Variants in NBPF12 observed in about 807,000 individuals in gnomAD.
NBPF12 encodes NBPF family member NBPF12.
Under a neutral mutation model 146.4 loss-of-function variants are expected in NBPF12, and 115 were observed. The observed-to-expected ratio is 0.79, with a 90% CI of 0.68 to 0.92. The LOEUF is 0.92. Among genes scored for constraint, NBPF12 ranks in the 40% least tolerant of loss-of-function variants. The pLI, the probability that NBPF12 is intolerant of heterozygous loss-of-function variation, is 0.00. For synonymous variants in NBPF12, 385 were observed against 508.9 expected, an observed-to-expected ratio of 0.76 and a Z score of 3.28; for missense variants, 1,205 against 1,326.8, an observed-to-expected ratio of 0.91 and a Z score of 1.43.
At chr1:146,980,269 A>G (rs1468381374) in intron 19 of NBPF12, among the ~76,000 whole-genome samples, 5 of 152,036 alleles carry the variant, frequency 3.3e-5, no homozygotes, top group African/African-American at 1.2e-4. Flanking sequence ...TCTTTATCCA[A>G]TTTGCCATTC....
At chr1:146,994,776 G>T (rs1284539) in exon 34 of NBPF12, 4 of 894,472 alleles carry the variant, frequency 4.5e-6, no homozygotes, top group Admixed American at 2.9e-5. Flanking sequence ...GGTGTGACAC[G>T]TTCACATAAC....
rs1486641079 is a variant in NBPF12 at position 146,975,100 on chromosome 1, A to C, written c.1904+259A>C. Among the ~76,000 whole-genome samples the C allele has an allele frequency of 1.2e-4, 15 of 127,660 alleles. No homozygotes were observed. The East Asian group carries it at 3.3e-3, about 28-fold the overall frequency. The allele number at this position is 127,660 out of a possible 152,430, so 83.7% of individuals were successfully genotyped here. A position where few individuals can be genotyped will look rare whatever the true frequency, so the allele number is the denominator to read the frequency against. ...TGTGAAATTTACATAACACAAAATT[A>C]ACCAAAGGAGTGTGAACCACACAGC... On this transcript the variant is annotated intron_variant, in intron 15 of 33. Transcript: ENST00000617844.
rs1420723350 is a variant in NBPF12, at chr1:146,978,286, A to T, written c.2398+615A>T. ...TTTTTTTTTTTTTTTTTTTTTTGCG[A>T]TGGAGTCCTGCTCTGTCACCTAGGC... is the stretch of plus-strand genomic sequence containing the variant. On this transcript the variant is annotated intron_variant, in intron 18 of 33. Transcript: ENST00000617844. Among the ~76,000 whole-genome samples the T allele has an allele frequency of 2.7e-3, 235 of 86,786 alleles. 1 individual carries two copies. The East Asian group carries it at 0.076, about 28-fold the overall frequency. The allele number at this position is 86,786 out of a possible 152,430, so 56.9% of individuals were successfully genotyped here.
chr1:146,962,453 T>C (rs1457617888), intron 5 of NBPF12, among the ~76,000 whole-genome samples, 190 bp downstream of exon 8: 3 of 151,990 alleles, frequency 2.0e-5, no homozygotes, highest in Admixed American at 6.5e-5. Flanking sequence ...AGTTGTTTCT[T>C]AGAGCCTTGT....
chr1:146,978,304 A>C, intron 18 of NBPF12, among the ~76,000 whole-genome samples: 1 of 124,768 alleles, frequency 8.0e-6, no homozygotes, highest in African/African-American at 3.1e-5. Flanking sequence ...CTGCTCTGTC[A>C]CCTAGGCTGG....
intron 25 of NBPF12, among the ~76,000 whole-genome samples, chr1:146,987,733 T>G (rs879176404): frequency 2.7e-5 from 4 of 146,086 alleles, no homozygotes; most frequent in African/African-American, 5.1e-5. Flanking sequence ...GTGTGTGTGT[T>G]TGTGTGTGTG....
At chr1:146,978,069 G>T (rs1230059301) in intron 18 of NBPF12, among the ~76,000 whole-genome samples, 1 of 151,588 alleles carries the variant, frequency 6.6e-6, no homozygotes, top group Non-Finnish European at 1.5e-5. Flanking sequence ...TTGTTCCCCA[G>T]GCTTCACTGC....
In NBPF12 at chr1:146,976,926, C is replaced by G; in HGVS notation, c.2120-3C>G. On this transcript the variant is annotated splice_region_variant and splice_polypyrimidine_tract_variant and intron_variant, in intron 16 of 33. Coordinates refer to ENST00000617844, the Ensembl canonical transcript of NBPF12. ...ATCTGAATGAACACTTCTGTATTTACAGAAAATGATAACGATGACGATGAA... is the reference window on the plus strand; with the variant it reads ...ATCTGAATGAACACTTCTGTATTTAGAGAAAATGATAACGATGACGATGAA... The G allele has an allele frequency of 1.5e-6, 1 of 688,346 alleles. No individual in the cohort carries two copies. Among genetic ancestry groups the G allele is most frequent in the South Asian group, 1.6e-5 (1 of 62,404 alleles). 42.6% of individuals were successfully genotyped at this position (688,346 alleles called of 1,614,324 possible). A position where few individuals can be genotyped will look rare whatever the true frequency, so the allele number is the denominator to read the frequency against.
rs1655886026 is a variant in NBPF12 at position 146,962,085 on chromosome 1, C to T, written c.176-76C>T. On this transcript the variant is annotated intron_variant, in intron 4 of 33. Coordinates refer to ENST00000617844, the Ensembl canonical transcript of NBPF12. The stretch of plus-strand genomic sequence containing the variant: ...AGTTTTGTCCTTGGGATGGACCTGG[C>T]TCCTGCCCTGTAGGCAGTGACCACA... The T allele has an allele frequency of 8.0e-6, 11 of 1,375,762 alleles. No individual in the cohort carries two copies. In the Middle Eastern group the frequency reaches 7.6e-4, roughly 95 times the overall value. The allele number at this position is 1,375,762 out of a possible 1,614,324, so 85.2% of individuals were successfully genotyped here.
intron 10 of NBPF12, among the ~76,000 whole-genome samples, chr1:146,968,827 C>T (rs1374582474): frequency 6.6e-6 from 1 of 151,338 alleles, no homozygotes; most frequent in African/African-American, 2.5e-5. Context: ...GAGTGTGAAC[C>T]ACACAGCAGC....
chr1:146,960,236 C>T (rs1399908914), exon 4 of NBPF12: 3 of 1,335,572 alleles, frequency 2.2e-6, no homozygotes, highest in Non-Finnish European at 3.2e-6. Context: ...TGGCAGAGAA[C>T]AAACAGCAGT....
chr1:146,965,112 C>G lies in NBPF12; in HGVS notation c.778+8C>G, dbSNP rs1214452089. 11 of 1,539,248 alleles carry G rather than the reference C, an allele frequency of 7.1e-6. No individual in the cohort carries two copies. In the South Asian group the frequency reaches 7.8e-5, roughly 11 times the overall value. ...CTCTAAACATTCTCCCAGGTAGCCT[C>G]TATTTTCCTTGTGTCTCATACCTCT... On this transcript the variant is annotated splice_region_variant and intron_variant, in intron 8 of 33. Coordinates refer to ENST00000617844, the Ensembl canonical transcript of NBPF12.
chr1:146,963,378 T>G, intron 6 of NBPF12, 69 bp downstream of exon 9: 5 of 1,591,950 alleles, frequency 3.1e-6, no homozygotes, highest in Non-Finnish European at 4.3e-6. Flanking sequence ...CTCCATACTT[T>G]CATGATGACA....
At chr1:146,994,091 T>C (rs1658354813) in intron 33 of NBPF12, among the ~76,000 whole-genome samples, 1 of 94,786 alleles carries the variant, frequency 1.1e-5, no homozygotes, top group Non-Finnish European at 2.1e-5. Flanking sequence ...TAGCTCACTT[T>C]CTCTCTGTCT....
chr1:146,941,228 G>A lies in NBPF12; in HGVS notation c.-821-2063G>A, dbSNP rs1168936718. On this transcript the variant is annotated intron_variant, in intron 1 of 35. Coordinates refer to the NBPF12 transcript ENST00000617931. ...GTCCCCAAGTAGCTGGGACCTACAG[G>A]AGACCACTACCATGCTCAGCTGTTT... Among the ~76,000 whole-genome samples, 303 of 151,248 alleles carry A rather than the reference G, an allele frequency of 2.0e-3. 3 individuals are homozygous for A. The highest frequency in any genetic ancestry group is 7.2e-3 in the African/African-American group (298 of 41,136).
intron 19 of NBPF12, among the ~76,000 whole-genome samples, chr1:146,982,281 G>C (rs1483037049): frequency 7.1e-6 from 1 of 141,746 alleles, no homozygotes; most frequent in Non-Finnish European, 1.5e-5. Context: ...ATCCCTTTCT[G>C]TGTGTTAGTT....
At chr1:146,982,489 A>G (rs1657457180) in intron 19 of NBPF12, among the ~76,000 whole-genome samples, 1 of 151,660 alleles carries the variant, frequency 6.6e-6, no homozygotes, top group South Asian at 2.1e-4. Context: ...AGAAATTGAA[A>G]AAGTAAATAT....
At chr1:146,965,541 G>C (rs1292299634) in intron 8 of NBPF12, among the ~76,000 whole-genome samples, 1 of 150,786 alleles carries the variant, frequency 6.6e-6, no homozygotes, top group African/African-American at 2.5e-5. Flanking sequence ...CCAGCACTTT[G>C]GGAGGCCGAG....
At chr1:146,960,755 G>C (rs1418146260) in intron 4 of NBPF12, among the ~76,000 whole-genome samples, 4 of 151,970 alleles carry the variant, frequency 2.6e-5, no homozygotes, top group Non-Finnish European at 5.9e-5. Flanking sequence ...GTGACTCTGA[G>C]GGGAACTTGG....
Sources: gnomAD v4.1 joint callset for allele counts (sites outside exome capture counted in the v4.1 genomes callset) on GRCh38, gnomAD v4.1.1 for gene constraint, MANE v1.5 for transcripts, NCBI Gene and HGNC (gene_info 2026-07-23, HGNC 2026-07-21) for gene names.